Variants in IL4R observed in about 807,000 individuals in gnomAD.
IL4R encodes interleukin 4 receptor.
Under a neutral mutation model 41.5 loss-of-function variants are expected in IL4R, and 17 were observed. The observed-to-expected ratio is 0.41, with a 90% CI of 0.28 to 0.61. IL4R has a LOEUF of 0.61. Ranked by LOEUF, IL4R falls within the 20% of genes least tolerant of loss-of-function variation. The pLI is 0.31. For missense variants in IL4R, 974 were observed against 1,043.1 expected, an observed-to-expected ratio of 0.93 and a Z score of 0.91; for synonymous variants, 402 against 422.9, an observed-to-expected ratio of 0.95 and a Z score of 0.61.
chr16:27,333,851 G>A (rs897962292), intron 2 of IL4R, among the ~76,000 whole-genome samples: 4 of 151,614 alleles, frequency 2.6e-5, no homozygotes, highest in African/African-American at 7.3e-5. Flanking sequence ...GCAGGTGACC[G>A]CTGAGACCCC....
rs758655910 is a variant in IL4R at position 27,362,717 on chromosome 16, G to A, written c.1365G>A (p.Glu455=). 5 of 1,613,992 alleles carry A rather than the reference G, an allele frequency of 3.1e-6. No individual in the cohort carries two copies. The South Asian group carries it at 5.5e-5, about 18-fold the overall frequency. ...AGTTCCCAAGTGCAGGGCCCAAGGA[G>A]GCACCTCCCTGGGGCAAGGAGCAGC... The part of the protein sequence containing the change: ...WDEFPSAGPK[E]APPWGKEQPL... Residue 455 remains glutamate, a synonymous_variant, in exon 11 of 11, where the codon GAG becomes GAA. Transcript: ENST00000395762.
chr16:27,350,867 C>T (rs1352238597), intron 6 of IL4R, among the ~76,000 whole-genome samples: 2 of 152,186 alleles, frequency 1.3e-5, no homozygotes, highest in African/African-American at 4.8e-5. Context: ...AAGGTTAGGG[C>T]AGGCAGAGGG....
chr16:27,356,060 T>C (rs1449269795), intron 8 of IL4R, among the ~76,000 whole-genome samples, 153 bp downstream of exon 8: 1 of 151,024 alleles, frequency 6.6e-6, no homozygotes, highest in Non-Finnish European at 1.5e-5. Context: ...GCTGAGAACA[T>C]ATCGACAAGG....
chr16:27,314,091 G>A, intron 1 of IL4R, 71 bp downstream of exon 1: 4 of 985,204 alleles, frequency 4.1e-6, no homozygotes, highest in Admixed American at 6.1e-5. Flanking sequence ...GAGGGCGTTC[G>A]GGAAGGGCTC....
At chr16:27,351,408 A>T (rs923490498) in intron 6 of IL4R, among the ~76,000 whole-genome samples, 1 of 151,824 alleles carries the variant, frequency 6.6e-6, no homozygotes, top group Non-Finnish European at 1.5e-5. Context: ...TCCTGCCCAC[A>T]CTCGAGAAGA....
At chr16:27,347,815 C>T (rs1010139186) in intron 6 of IL4R, among the ~76,000 whole-genome samples, 1 of 152,254 alleles carries the variant, frequency 6.6e-6, no homozygotes, top group African/African-American at 2.4e-5. Context: ...CCTCAGTTTC[C>T]TCATCTGTAA....
intron 1 of IL4R, among the ~76,000 whole-genome samples, chr16:27,321,989 T>A (rs546765313): frequency 3.2e-4 from 48 of 152,304 alleles, no homozygotes; most frequent in Non-Finnish European, 4.6e-4. Flanking sequence ...GGTCATTTTT[T>A]TCCTCTTGTG....
chr16:27,352,525 C>T lies in IL4R; in HGVS notation c.514-15C>T. On this transcript the variant is annotated splice_polypyrimidine_tract_variant and intron_variant, in intron 6 of 10. Transcript: ENST00000395762. ...CCCCCGGCTGGTGCCCTAACATCTC[C>T]CTTTTCTCTACCAGTTCAGAATCTA... is the stretch of plus-strand genomic sequence containing the variant. 1 of 1,612,716 alleles carries T rather than the reference C, an allele frequency of 6.2e-7. No individual in the cohort carries two copies. The highest frequency in any genetic ancestry group is 1.3e-5 in the African/African-American group (1 of 75,012).
rs1167653242 is a variant in IL4R at position 27,345,950 on chromosome 16, C to T, written c.362-517C>T. Among the ~76,000 whole-genome samples, 1 of 151,928 alleles carries T rather than the reference C, an allele frequency of 6.6e-6. No individual in the cohort carries two copies. The highest frequency in any genetic ancestry group is 1.5e-5 in the Non-Finnish European group (1 of 67,980). The stretch of plus-strand genomic sequence containing the variant: ...TCATGCTACTGCCCTCCAGCCTGGG[C>T]GACAGAGTGAGATTACGTCTCAAAA... On this transcript the variant is annotated intron_variant, in intron 5 of 10. Coordinates refer to ENST00000395762, the MANE Select transcript of IL4R (RefSeq NM_000418.4). This position sits in a 1 kb window ranked among gnomAD's most constrained non-coding sequence, Gnocchi z 4.5.
At position 27,362,234 on chromosome 16, in the gene IL4R, C is replaced by T. The variant is rs776965451; in HGVS notation, c.900-18C>T. On this transcript the variant is annotated intron_variant, in intron 10 of 10. Coordinates refer to ENST00000395762, the MANE Select transcript of IL4R (RefSeq NM_000418.4). Reference sequence around the variant, plus strand: ...TCAAGTGTCGAAACTGAACCCTGACCAACCTTTGCTTTTGCAGACACTGGA... The same window carrying T: ...TCAAGTGTCGAAACTGAACCCTGACTAACCTTTGCTTTTGCAGACACTGGA... The T allele has an allele frequency of 3.1e-6, 5 of 1,609,802 alleles. No individual in the cohort carries two copies. The Admixed American group carries it at 8.4e-5, about 27-fold the overall frequency.
chr16:27,348,900 C>T (rs954823373), intron 6 of IL4R, among the ~76,000 whole-genome samples: 3 of 150,616 alleles, frequency 2.0e-5, no homozygotes, highest in Admixed American at 2.0e-4. Flanking sequence ...AGGTTTAAGA[C>T]GTGGCACCAG....
chr16:27,342,297 T>C, intron 4 of IL4R, 38 bp downstream of exon 4: 1 of 1,613,232 alleles, frequency 6.2e-7, no homozygotes, highest in Non-Finnish European at 8.5e-7. Context: ...GGGGAGGTTG[T>C]GCCCAAAGGG....
At chr16:27,360,298 G>A (rs1452053841) in intron 9 of IL4R, among the ~76,000 whole-genome samples, 1 of 152,254 alleles carries the variant, frequency 6.6e-6, no homozygotes, top group Non-Finnish European at 1.5e-5. Flanking sequence ...ACAGGCGTGA[G>A]CCACTGCACC....
Position 27,340,278 on chromosome 16 carries a change from G to A in IL4R, c.70+5G>A, listed in dbSNP as rs761107191. On this transcript the variant is annotated splice_donor_5th_base_variant and intron_variant, in intron 3 of 10. Coordinates refer to ENST00000395762, the MANE Select transcript of IL4R (RefSeq NM_000418.4). ...TGCTGCAGGTGGCAAGCTCTGGTAA[G>A]TCACCACTTCTCAATCATTCATTTG... The A allele has an allele frequency of 1.9e-6, 3 of 1,611,672 alleles. No individual in the cohort carries two copies. In the South Asian group the frequency reaches 3.3e-5, roughly 18 times the overall value.
At chr16:27,315,920 T>G (rs1471445718) in intron 1 of IL4R, among the ~76,000 whole-genome samples, 7 of 152,104 alleles carry the variant, frequency 4.6e-5, no homozygotes, top group Non-Finnish European at 1.0e-4. Flanking sequence ...TACCGGCAGG[T>G]CCGAGATAAC....
At chr16:27,332,381 G>A (rs1213673199) in intron 2 of IL4R, among the ~76,000 whole-genome samples, 1 of 148,288 alleles carries the variant, frequency 6.7e-6, no homozygotes, top group Non-Finnish European at 1.5e-5. Flanking sequence ...CAGATCTCAG[G>A]AGAACTCACT....
chr16:27,341,582 C>A (rs544000241), intron 3 of IL4R, among the ~76,000 whole-genome samples: 2 of 152,116 alleles, frequency 1.3e-5, no homozygotes, highest in Non-Finnish European at 2.9e-5. Flanking sequence ...AGGAGAAGGA[C>A]CCCGATGTCT....
At chr16:27,332,121 G>T (rs187996225) in intron 2 of IL4R, among the ~76,000 whole-genome samples, 4 of 152,138 alleles carry the variant, frequency 2.6e-5, no homozygotes, top group African/African-American at 7.2e-5. Flanking sequence ...GGGGCTACAG[G>T]CATGTGCCAC....
At chr16:27,348,443 G>C (rs925934291) in intron 6 of IL4R, among the ~76,000 whole-genome samples, 2 of 152,186 alleles carry the variant, frequency 1.3e-5, no homozygotes, top group Non-Finnish European at 2.9e-5. Flanking sequence ...CATATTTCTA[G>C]ATCTGCCTTC....
Sources: gnomAD v4.1 joint callset for allele counts (sites outside exome capture counted in the v4.1 genomes callset) on GRCh38, gnomAD v4.1.1 for gene constraint, Gnocchi (gnomAD v3.1) non-coding constraint, MANE v1.5 for transcripts, NCBI Gene and HGNC (gene_info 2026-07-23, HGNC 2026-07-21) for gene names.